NFAM1: variants seen among roughly 807,000 people sequenced by gnomAD.
NFAM1 encodes the protein NFAT activation molecule 1.
Under a neutral mutation model 29.0 loss-of-function variants are expected in NFAM1, and 17 were observed. The ratio of observed to expected loss-of-function variants is 0.59; its 90% confidence interval spans 0.40 to 0.88. The LOEUF is 0.88. NFAM1 is among the 40% of genes least tolerant of loss of function. The pLI is 0.00. For synonymous variants in NFAM1, 175 were observed against 147.2 expected (o/e 1.19, Z -1.36); for missense variants, 324 against 344.6 (o/e 0.94, Z 0.47).
intron 1 of NFAM1, 108 bp downstream of exon 1, chr22:42,432,129 C>CAAAT (rs1461546936): frequency 9.8e-7 from 1 of 1,015,354 alleles, no homozygotes; most frequent in East Asian, 2.6e-5. Context: ...CGACAACCAG[C>CAAAT]AAATCCCCAG....
chr22:42,386,804 A>G (rs1358307800), intron 5 of NFAM1, among the ~76,000 whole-genome samples, 185 bp downstream of exon 5: 1 of 152,200 alleles, frequency 6.6e-6, no homozygotes, highest in African/African-American at 2.4e-5. Flanking sequence ...CACAGTGGCT[A>G]AGGGACAGAG....
intron 4 of NFAM1, among the ~76,000 whole-genome samples, chr22:42,392,116 C>A (rs1029003530): frequency 6.6e-6 from 1 of 151,968 alleles, no homozygotes; most frequent in Non-Finnish European, 1.5e-5. Context: ...AATGACATCA[C>A]CCAGTGAAGG....
chr22:42,427,667 G>A (rs748069807), intron 1 of NFAM1, among the ~76,000 whole-genome samples: 2 of 152,180 alleles, frequency 1.3e-5, no homozygotes, highest in African/African-American at 2.4e-5. Flanking sequence ...GCAACAAAAC[G>A]AACTTCAGCC....
chr22:42,385,215 T>TC lies in NFAM1; in HGVS notation c.758dup (p.Pro254ThrfsTer3), dbSNP rs1470161506. ...CGCCATCATCTTCGAATCTATGCGG[T>TC]CTCTCCTGGATAGAAAAGAAGAAAG... On this transcript the variant is annotated frameshift_variant, in exon 6 of 6. Coordinates refer to ENST00000329021, the MANE Select transcript of NFAM1 (RefSeq NM_145912.8). LOFTEE classifies it high-confidence loss of function. The TC allele has an allele frequency of 3.1e-6, 5 of 1,606,464 alleles. No homozygotes were observed. The highest frequency in any genetic ancestry group is 4.3e-6 in the Non-Finnish European group (5 of 1,173,208).
In NFAM1 at chr22:42,409,842, T is replaced by A. The variant is rs1017596531; in HGVS notation, c.452-295A>T. Among the ~76,000 whole-genome samples, 1 of 152,166 alleles carries A rather than the reference T, an allele frequency of 6.6e-6. No individual in the cohort carries two copies. Among genetic ancestry groups the A allele is most frequent in the Non-Finnish European group, 1.5e-5 (1 of 68,008 alleles). On this transcript the variant is annotated intron_variant, in intron 2 of 5. Transcript: ENST00000329021. The surrounding 1 kb of genome is among the most constrained non-coding windows in gnomAD (Gnocchi z 4.9). ...CTTGTAGGGCCCTGAGCGAGATGTC[T>A]CCCCTCTCGGGGCCTCTTCTTTTCC...
chr22:42,412,651 C>T (rs1477153589), intron 1 of NFAM1, among the ~76,000 whole-genome samples: 1 of 152,194 alleles, frequency 6.6e-6, no homozygotes, highest in Non-Finnish European at 1.5e-5. Flanking sequence ...CCAAGCGTTT[C>T]CTGGCGGTAG....
chr22:42,416,603 G>A (rs1004905100), intron 1 of NFAM1, among the ~76,000 whole-genome samples: 2 of 152,216 alleles, frequency 1.3e-5, no homozygotes, highest in African/African-American at 4.8e-5. Flanking sequence ...CGGGGTCACA[G>A]AAGGTGGGTG....
intron 1 of NFAM1, among the ~76,000 whole-genome samples, chr22:42,430,556 CA>C (rs10684230): frequency 0.02 from 1,476 of 72,912 alleles, 9 homozygotes; most frequent in East Asian, 0.11. Context: ...GTGAAACTCT[CA>C]AAAAAAAAAA....
chr22:42,434,951 G>C (rs1930905683), upstream of NFAM1, among the ~76,000 whole-genome samples: 1 of 152,242 alleles, frequency 6.6e-6, no homozygotes, highest in African/African-American at 2.4e-5. Flanking sequence ...CCTGGGCCCT[G>C]GCCTCACGGA....
chr22:42,406,177 G>A (rs764049916), intron 3 of NFAM1, among the ~76,000 whole-genome samples: 109 of 152,196 alleles, frequency 7.2e-4, no homozygotes, highest in Admixed American at 2.4e-3. Flanking sequence ...CCCCCGGCTC[G>A]CGCCTCACCC....
chr22:42,435,349 T>C (rs1047400966), upstream of NFAM1, among the ~76,000 whole-genome samples: 1 of 42,460 alleles, frequency 2.4e-5, no homozygotes, highest in Non-Finnish European at 4.1e-5. Context: ...CTTTTCTTTC[T>C]TTTTTTTTTT....
Position 42,387,091 on chromosome 22 carries a change from G to A in NFAM1, c.664-13C>T. The A allele has an allele frequency of 6.5e-7, 1 of 1,533,296 alleles. No individual in the cohort carries two copies. Among genetic ancestry groups the A allele is most frequent in the Non-Finnish European group, 8.9e-7 (1 of 1,125,294 alleles). 95.0% of individuals were successfully genotyped at this position (1,533,296 alleles called of 1,614,324 possible). A position where few individuals can be genotyped will look rare whatever the true frequency, so the allele number is the denominator to read the frequency against. ...GGCGCTGCAGAGCCTACAGGAAACG[G>A]GGTGCCAGGATCAGGGGCAAGTGTG... On this transcript the variant is annotated splice_polypyrimidine_tract_variant and intron_variant, in intron 4 of 5. Coordinates refer to ENST00000329021, the MANE Select transcript of NFAM1 (RefSeq NM_145912.8).
rs767993817 is a variant in NFAM1 at position 42,409,778 on chromosome 22, G to A, written c.452-231C>T. Among the ~76,000 whole-genome samples, 5 of 152,166 alleles carry A rather than the reference G, an allele frequency of 3.3e-5. No individual in the cohort carries two copies. The highest frequency in any genetic ancestry group is 1.3e-4 in the Admixed American group (2 of 15,280). ...AAGGACAGGGGCCATTTGCTCTTCC[G>A]GTGCCCCTGCCCCCGTGACCTGGCT... On this transcript the variant is annotated intron_variant, in intron 2 of 5. Transcript: ENST00000329021. The surrounding 1 kb of genome is among the most constrained non-coding windows in gnomAD (Gnocchi z 4.9).
intron 1 of NFAM1, among the ~76,000 whole-genome samples, chr22:42,421,445 C>CAAA (rs202030633): frequency 4.4e-5 from 5 of 112,600 alleles, no homozygotes; most frequent in Non-Finnish European, 7.5e-5. Context: ...AACTCTGTCT[C>CAAA]AAAAAAAAAA....
chr22:42,396,295 T>C (rs1340332324), intron 4 of NFAM1, among the ~76,000 whole-genome samples: 1 of 152,202 alleles, frequency 6.6e-6, no homozygotes, highest in Non-Finnish European at 1.5e-5. Flanking sequence ...AGAAAGATAT[T>C]TATTCACGTG....
rs1201865642 is a variant in NFAM1 at position 42,383,683 on chromosome 22, GGTGCTTCTGTGAGCCAGTAGCCCA to G, written c.*1454_*1477del. The G allele has an allele frequency of 6.5e-6, 1 of 152,738 alleles. No individual in the cohort carries two copies. The highest frequency in any genetic ancestry group is 2.4e-5 in the African/African-American group (1 of 41,452). The allele number at this position is 152,738 out of a possible 1,614,324, so 9.5% of individuals were successfully genotyped here. A position where few individuals can be genotyped will look rare whatever the true frequency, so the allele number is the denominator to read the frequency against. ...GAGGGGCATGACCTGCAGAACCAAA[GGTGCTTCTGTGAGCCAGTAGCCCA>G]GTGCTGCTTGGGGGCAGGGGCGGGG... On this transcript the variant is annotated 3_prime_UTR_variant, in exon 6 of 6. Coordinates refer to ENST00000329021, the MANE Select transcript of NFAM1 (RefSeq NM_145912.8).
intron 3 of NFAM1, among the ~76,000 whole-genome samples, chr22:42,407,119 G>A (rs960919446): frequency 7.6e-6 from 1 of 132,050 alleles, no homozygotes; most frequent in Non-Finnish European, 1.6e-5. Context: ...TCGCTGTGTT[G>A]CCCAGGGGCT....
At chr22:42,399,215 G>A (rs1386366304) in intron 3 of NFAM1, among the ~76,000 whole-genome samples, 1 of 151,914 alleles carries the variant, frequency 6.6e-6, no homozygotes, top group Non-Finnish European at 1.5e-5. Flanking sequence ...CGGAGGCCGA[G>A]TCGGGTGGAT....
chr22:42,385,258 G>C (rs769019946), intron 5 of NFAM1, 38 bp from the exon 6 acceptor site: 5 of 1,377,902 alleles, frequency 3.6e-6, no homozygotes, highest in Non-Finnish European at 5.2e-6. Context: ...AGGAGAGAAA[G>C]AGAGAGAATG....
Sources: gnomAD v4.1 joint callset for allele counts (sites outside exome capture counted in the v4.1 genomes callset) on GRCh38, gnomAD v4.1.1 for gene constraint, Gnocchi (gnomAD v3.1) non-coding constraint, MANE v1.5 for transcripts, NCBI Gene and HGNC (gene_info 2026-07-23, HGNC 2026-07-21) for gene names.